Variants in ATAT1 observed in about 807,000 individuals in gnomAD.
ATAT1 encodes the protein alpha-tubulin N-acetyltransferase 1.
ATAT1 carries 42 observed loss-of-function variants against 57.2 expected under a neutral mutation model. The observed-to-expected ratio is 0.73, with a 90% confidence interval of 0.57 to 0.95. The LOEUF is 0.95. ATAT1 is among the 40% of genes least tolerant of loss of function. The pLI is 0.00. For synonymous variants in ATAT1, 168 were observed against 187.1 expected, an observed-to-expected ratio of 0.90 and a Z score of 0.83; for missense variants, 454 against 523.7, an observed-to-expected ratio of 0.87 and a Z score of 1.30.
At chr6:30,637,201 T>C (rs1400491869) in intron 6 of ATAT1, among the ~76,000 whole-genome samples, 1 of 152,136 alleles carries the variant, frequency 6.6e-6, no homozygotes, top group Admixed American at 6.6e-5. Context: ...GGGCTCTATG[T>C]GGTATCTATA....
chr6:30,639,699 G>C lies in ATAT1; in HGVS notation c.502-678G>C, dbSNP rs1035475213. ...TCACCATGTTAGCCAGGATGGTCTCGATCTCCTGACCTCATGATCCGCCCG... is the reference window on the plus strand; with the variant it reads ...TCACCATGTTAGCCAGGATGGTCTCCATCTCCTGACCTCATGATCCGCCCG... On this transcript the variant is annotated intron_variant, in intron 6 of 12. Coordinates refer to ENST00000330083, the MANE Select transcript of ATAT1 (RefSeq NM_001031722.4). Among the ~76,000 whole-genome samples, 5 of 151,892 alleles carry C rather than the reference G, an allele frequency of 3.3e-5. No individual in the cohort carries two copies. The East Asian group carries it at 5.9e-4, about 18-fold the overall frequency.
chr6:30,637,704 G>A (rs1764437803), intron 6 of ATAT1, among the ~76,000 whole-genome samples: 1 of 151,080 alleles, frequency 6.6e-6, no homozygotes, highest in Non-Finnish European at 1.5e-5. Context: ...AAGGCCGGAC[G>A]CATTGGCTCG....
chr6:30,642,369 A>AT, intron 9 of ATAT1, 122 bp downstream of exon 9: 1 of 1,347,368 alleles, frequency 7.4e-7, no homozygotes, highest in African/African-American at 1.5e-5. Flanking sequence ...TGGGCTGGGC[A>AT]TGGTGGCTCA....
At chr6:30,634,188 C>T (rs1443756911) in intron 6 of ATAT1, among the ~76,000 whole-genome samples, 1 of 152,028 alleles carries the variant, frequency 6.6e-6, no homozygotes, top group East Asian at 1.9e-4. Context: ...TTTAAAAGTA[C>T]TTTAAAAAGG....
At position 30,646,624 on chromosome 6, in the gene ATAT1, G is replaced by C. The variant is rs1766785387; in HGVS notation, c.1211G>C (p.Arg404Pro). 6.4e-7 allele frequency: 1 copy of C among 1,566,470 alleles called. No homozygotes were observed. Among genetic ancestry groups the C allele is most frequent in the Non-Finnish European group, 8.7e-7 (1 of 1,155,610 alleles). ...TTCATTCGAAACCTGCAGGAACGTC[G>C]CAGCACCAGGCCTTGGTGACCGCAG... Residue 404 changes from arginine to proline, a missense_variant, in exon 13 of 13, where the codon CGC becomes CCC. Around this residue, in one of 3 missense-constraint regions of ATAT1, gnomAD observed 216 missense variants for 222.2 expected, o/e 0.97. Coordinates refer to ENST00000330083, the MANE Select transcript of ATAT1 (RefSeq NM_001031722.4).
chr6:30,627,984 A>T (rs900914886), intron 4 of ATAT1, 48 bp from the exon 5 acceptor site: 1 of 1,608,498 alleles, frequency 6.2e-7, no homozygotes, highest in African/African-American at 1.3e-5. Flanking sequence ...GTTAGGGGGC[A>T]GCAGAGATGC....
At position 30,627,494 on chromosome 6, in the gene ATAT1, G is replaced by C; in HGVS notation, c.106G>C (p.Asp36His). The C allele has an allele frequency of 6.2e-7, 1 of 1,613,450 alleles. No homozygotes were observed. Among genetic ancestry groups the C allele is most frequent in the Non-Finnish European group, 8.5e-7 (1 of 1,179,860 alleles). Residue 36 changes from aspartate (D) to histidine (H), a missense_variant, in exon 2 of 13, where the codon GAT (aspartate) becomes CAT (histidine). Coordinates refer to ENST00000330083, the MANE Select transcript of ATAT1 (RefSeq NM_001031722.4). ...ACAGCAGCAAATTATGACCATTATA[G>C]ATGAACTGGGCAAGGCTTCTGCCAA...
intron 6 of ATAT1, among the ~76,000 whole-genome samples, chr6:30,640,164 G>T (rs1342946713): frequency 6.6e-6 from 1 of 151,838 alleles, no homozygotes; most frequent in Non-Finnish European, 1.5e-5. Flanking sequence ...ATTGCCTACA[G>T]CATTCAGTAC....
At chr6:30,627,794 G>A in intron 3 of ATAT1, 57 bp from the exon 4 acceptor site, 1 of 1,605,702 alleles carries the variant, frequency 6.2e-7, no homozygotes, top group South Asian at 1.1e-5. Context: ...CCCCATCTTT[G>A]ACTATCTCTT....
chr6:30,631,109 G>C (rs1292672551), intron 6 of ATAT1, among the ~76,000 whole-genome samples: 1 of 152,158 alleles, frequency 6.6e-6, no homozygotes, highest in African/African-American at 2.4e-5. Context: ...AGTAAGGTGG[G>C]GATGGGAGTA....
intron 9 of ATAT1, among the ~76,000 whole-genome samples, 159 bp downstream of exon 9, chr6:30,642,406 G>A (rs531099319): frequency 6.6e-6 from 1 of 152,262 alleles, no homozygotes; most frequent in Admixed American, 6.5e-5. Flanking sequence ...ACTTTGAGAG[G>A]CTAAGGCAGG....
At chr6:30,646,269 C>A in intron 12 of ATAT1, 160 bp downstream of exon 12, 1 of 1,457,874 alleles carries the variant, frequency 6.9e-7, no homozygotes, top group South Asian at 1.5e-5. Context: ...CCCCTTTCCC[C>A]CACAGGTTCA....
intron 6 of ATAT1, among the ~76,000 whole-genome samples, chr6:30,635,270 C>T (rs1422440338): frequency 1.3e-5 from 2 of 152,006 alleles, no homozygotes; most frequent in African/African-American, 2.4e-5. Flanking sequence ...GAGAAGAAGA[C>T]CAGCAAATGC....
intron 6 of ATAT1, among the ~76,000 whole-genome samples, chr6:30,634,124 G>C (rs1370538157): frequency 6.6e-6 from 1 of 152,058 alleles, no homozygotes; most frequent in East Asian, 1.9e-4. Context: ...ACCCAAACCA[G>C]AGAATTTGCA....
chr6:30,628,553 T>C, intron 6 of ATAT1, 123 bp downstream of exon 6: 1 of 785,294 alleles, frequency 1.3e-6, no homozygotes, highest in Non-Finnish European at 2.0e-6. Context: ...ACCAGGCTCT[T>C]TCTTTCTCTT....
chr6:30,627,889 G>C lies in ATAT1; in HGVS notation c.263G>C (p.Gly88Ala). 1 of 1,613,034 alleles carries C rather than the reference G, an allele frequency of 6.2e-7. No individual in the cohort carries two copies. The highest frequency in any genetic ancestry group is 8.5e-7 in the Non-Finnish European group (1 of 1,180,028). Residue 88 changes from glycine to alanine, a missense_variant, in exon 4 of 13, where the codon GGA becomes GCA. Physicochemically the swap from Gly to Ala is moderately conservative, Grantham distance 60. Coordinates refer to ENST00000330083, the MANE Select transcript of ATAT1 (RefSeq NM_001031722.4). ...GCCATTATTGGTTTCATCAAAGTTGGATACAAGAAGCTCTTTGTACTGGTG... is the reference window on the plus strand; with the variant it reads ...GCCATTATTGGTTTCATCAAAGTTGCATACAAGAAGCTCTTTGTACTGGTG...
chr6:30,639,347 C>G (rs1373805121), intron 6 of ATAT1, among the ~76,000 whole-genome samples: 1 of 152,056 alleles, frequency 6.6e-6, no homozygotes, highest in Non-Finnish European at 1.5e-5. Flanking sequence ...TATACAAGTC[C>G]TTTGTCTGTT....
At chr6:30,630,276 G>A (rs1274851895) in intron 6 of ATAT1, among the ~76,000 whole-genome samples, 2 of 151,970 alleles carry the variant, frequency 1.3e-5, no homozygotes, top group African/African-American at 2.4e-5. Context: ...AGCCAAGATC[G>A]CGCCACTGCA....
chr6:30,638,673 C>T (rs1367232600), intron 6 of ATAT1, among the ~76,000 whole-genome samples: 1 of 149,902 alleles, frequency 6.7e-6, no homozygotes, highest in Non-Finnish European at 1.5e-5. Context: ...CTTGAGTAAA[C>T]TCTTAATGGC....
Sources: allele counts gnomAD v4.1 joint callset (sites outside exome capture counted in the v4.1 genomes callset), GRCh38; gene constraint gnomAD v4.1.1; regional missense constraint gnomAD v4.1.1; transcripts MANE v1.5; gene names NCBI Gene and HGNC (gene_info 2026-07-23, HGNC 2026-07-21).